PLCB1: variants seen among roughly 807,000 people sequenced by gnomAD.
PLCB1 encodes the protein 1-phosphatidylinositol 4,5-bisphosphate phosphodiesterase beta-1.
In PLCB1, 46 loss-of-function variants were observed where a neutral mutation model predicts 161.8. The ratio of observed to expected loss-of-function variants is 0.28; its 90% confidence interval spans 0.22 to 0.36. The LOEUF (loss-of-function observed/expected upper bound fraction) is 0.36. PLCB1 is among the 10% of genes least tolerant of loss of function. The pLI is 1.00. For missense variants in PLCB1, 1,016 were observed against 1,472.5 expected (o/e 0.69, Z 5.07); for synonymous variants, 517 against 503.7 (o/e 1.03, Z -0.35).
intron 31 of PLCB1, among the ~76,000 whole-genome samples, chr20:8,814,171 CA>C (rs1354829900): frequency 6.6e-6 from 1 of 152,046 alleles, no homozygotes; most frequent in Non-Finnish European, 1.5e-5. Context: ...GTCTTATTAG[CA>C]AAAGTAAATG....
intron 2 of PLCB1, among the ~76,000 whole-genome samples, chr20:8,224,659 CAT>C (rs1979583236): frequency 6.6e-6 from 1 of 152,062 alleles, no homozygotes; most frequent in Non-Finnish European, 1.5e-5. Context: ...GTGAACAAAT[CAT>C]AAAGTTTATA....
chr20:8,134,868 T>TA lies in PLCB1; in HGVS notation c.99+2134dup, dbSNP rs869044169. Among the ~76,000 whole-genome samples, 1,110 of 139,702 alleles carry TA rather than the reference T, an allele frequency of 7.9e-3. 1 individual carries two copies. The highest frequency in any genetic ancestry group is 0.014 in the East Asian group (66 of 4,884). 91.6% of individuals were successfully genotyped at this position (139,702 alleles called of 152,430 possible). A position where few individuals can be genotyped will look rare whatever the true frequency, so the allele number is the denominator to read the frequency against. ...GACCAGAAGAATTTCAGGTCTTTTT[T>TA]AAAAAAAAAAAAAAAACCTAGACTG... On this transcript the variant is annotated intron_variant, in intron 1 of 31. Coordinates refer to ENST00000338037, the MANE Select transcript of PLCB1 (RefSeq NM_015192.4).
intron 1 of PLCB1, among the ~76,000 whole-genome samples, chr20:8,136,358 G>A (rs1455282453): frequency 6.6e-6 from 1 of 152,192 alleles, no homozygotes; most frequent in African/African-American, 2.4e-5. Flanking sequence ...CGGGCGCGGT[G>A]GCTCAAGCCT....
intron 2 of PLCB1, among the ~76,000 whole-genome samples, chr20:8,327,894 T>TTATATA (rs71862056): frequency 1.3e-5 from 2 of 150,784 alleles, no homozygotes; most frequent in African/African-American, 4.9e-5. Context: ...ATATGTATAG[T>TTATATA]TATATATATA....
At chr20:8,447,269 G>C (rs1447619043) in intron 3 of PLCB1, among the ~76,000 whole-genome samples, 1 of 152,164 alleles carries the variant, frequency 6.6e-6, no homozygotes, top group Non-Finnish European at 1.5e-5. Flanking sequence ...TTAAGAGCTA[G>C]ATTTAGGGGC....
intron 2 of PLCB1, among the ~76,000 whole-genome samples, chr20:8,321,083 CA>C (rs1333479957): frequency 1.3e-5 from 2 of 152,038 alleles, no homozygotes; most frequent in African/African-American, 4.8e-5. Flanking sequence ...CTGTCATCCT[CA>C]ATGTTCGGCT....
At chr20:8,271,930 A>G (rs1982305646) in intron 2 of PLCB1, among the ~76,000 whole-genome samples, 1 of 152,138 alleles carries the variant, frequency 6.6e-6, no homozygotes, top group African/African-American at 2.4e-5. Flanking sequence ...GAAGAAAGAA[A>G]GAGGAAGTGG....
intron 3 of PLCB1, among the ~76,000 whole-genome samples, chr20:8,596,046 T>C (rs1180117107): frequency 1.4e-5 from 2 of 147,218 alleles, no homozygotes; most frequent in South Asian, 2.2e-4. Context: ...TCCCATTTTG[T>C]AGGTTGCCTG....
intron 4 of PLCB1, among the ~76,000 whole-genome samples, chr20:8,642,428 C>T (rs2123267989): frequency 6.6e-6 from 1 of 152,244 alleles, no homozygotes; most frequent in African/African-American, 2.4e-5. Flanking sequence ...CTGATGCATG[C>T]CAGTAGTGAC....
rs776759371 is a variant in PLCB1, at chr20:8,765,308, G to A, written c.2880G>A (p.Leu960=). The change falls in exon 26 of 32, where the codon TTG becomes TTA. Residue 960 remains leucine (L), a synonymous_variant. Coordinates refer to ENST00000338037, the MANE Select transcript of PLCB1 (RefSeq NM_015192.4). ...TKYNEIQNDY[L]RRRAALEKSA... is the part of the protein sequence containing the mutation. The stretch of plus-strand genomic sequence containing the variant: ...ATAATGAAATTCAGAATGACTACTT[G>A]AGAAGGAGAGCCGCTTTGGAAAAGT... 3.1e-6 allele frequency: 5 copies of A among 1,613,854 alleles called. No individual in the cohort carries two copies. The highest frequency in any genetic ancestry group is 4.2e-6 in the Non-Finnish European group (5 of 1,179,990).
chr20:8,595,435 AT>A (rs1987309043), intron 3 of PLCB1, among the ~76,000 whole-genome samples: 2 of 115,848 alleles, frequency 1.7e-5, no homozygotes, highest in Admixed American at 9.5e-5. Context: ...TGAACTCATC[AT>A]TTTTTATGGC....
At chr20:8,733,777 CTT>C (rs1363341922) in intron 19 of PLCB1, among the ~76,000 whole-genome samples, 6 of 127,428 alleles carry the variant, frequency 4.7e-5, no homozygotes, top group African/African-American at 1.9e-4. Flanking sequence ...TACCCTAAAA[CTT>C]AAAGTATAAT....
chr20:8,511,494 T>C (rs535213321), intron 3 of PLCB1, among the ~76,000 whole-genome samples: 8 of 152,318 alleles, frequency 5.3e-5, no homozygotes, highest in Non-Finnish European at 1.0e-4. Context: ...GGAGAGTGGA[T>C]ATTTCTTTAA....
chr20:8,612,503 A>G (rs1350794057), intron 3 of PLCB1, among the ~76,000 whole-genome samples: 1 of 152,190 alleles, frequency 6.6e-6, no homozygotes, highest in African/African-American at 2.4e-5. Flanking sequence ...AGGTTTCACC[A>G]GGAAGTCCAA....
chr20:8,548,724 C>T (rs1329364310), intron 3 of PLCB1, among the ~76,000 whole-genome samples: 3 of 150,998 alleles, frequency 2.0e-5, no homozygotes, highest in Non-Finnish European at 4.4e-5. Context: ...AGGCTGTAAG[C>T]TCCGTGAGAA....
At chr20:8,855,626 A>C (rs1027100421) in intron 31 of PLCB1, among the ~76,000 whole-genome samples, 8 of 152,234 alleles carry the variant, frequency 5.3e-5, no homozygotes, top group Non-Finnish European at 5.9e-5. Flanking sequence ...GAGCAGGAAC[A>C]TTTTGTTCTA....
At chr20:8,762,175 A>G (rs987521136) in intron 25 of PLCB1, among the ~76,000 whole-genome samples, 2 of 152,112 alleles carry the variant, frequency 1.3e-5, no homozygotes, top group African/African-American at 2.4e-5. Flanking sequence ...GCGCCATTGC[A>G]CTCCAGCCTG....
intron 31 of PLCB1, among the ~76,000 whole-genome samples, chr20:8,845,273 A>G (rs6140762): frequency 0.32 from 48,346 of 151,672 alleles, 8,618 homozygotes; most frequent in East Asian, 0.63. Flanking sequence ...CTTTGAACAT[A>G]TCTAAGCATA....
intron 23 of PLCB1, chr20:8,751,101 A>ATT: frequency 2.0e-5 from 3 of 153,194 alleles, no homozygotes; most frequent in Non-Finnish European, 2.8e-5. Context: ...AAGCCCGGCT[A>ATT]ATTTTTTTTT....
Sources: gnomAD v4.1 joint callset for allele counts (sites outside exome capture counted in the v4.1 genomes callset) on GRCh38, gnomAD v4.1.1 for gene constraint, MANE v1.5 for transcripts, NCBI Gene and HGNC (gene_info 2026-07-23, HGNC 2026-07-21) for gene names.